Variants in DYNC2LI1 observed in about 807,000 individuals in gnomAD.
DYNC2LI1 encodes the protein dynein cytoplasmic 2 light intermediate chain 1.
DYNC2LI1 carries 45 observed loss-of-function variants against 51.9 expected under a neutral mutation model. The ratio of observed to expected loss-of-function variants is 0.87; its 90% CI spans 0.68 to 1.11. The LOEUF is 1.11. Ranked by LOEUF, DYNC2LI1 falls within the 50% of genes most tolerant of loss-of-function variation. The pLI, the probability that DYNC2LI1 is intolerant of heterozygous loss-of-function variation, is 0.00. For missense variants in DYNC2LI1, 490 were observed against 417.4 expected, an observed-to-expected ratio of 1.17 and a Z score of -1.51; for synonymous variants, 130 against 137.8, an observed-to-expected ratio of 0.94 and a Z score of 0.40.
Position 43,807,903 on chromosome 2 carries a change from T to G in DYNC2LI1, c.994-1802T>G, listed in dbSNP as rs551167627. ...CCGTATCATTGTCATGTTGAAGATCTAGTGGACTTGGTGGTTTTTGTCTCA... is the reference window on the plus strand; with the variant it reads ...CCGTATCATTGTCATGTTGAAGATCGAGTGGACTTGGTGGTTTTTGTCTCA... On this transcript the variant is annotated intron_variant, in intron 12 of 12. Coordinates refer to ENST00000260605, the MANE Select transcript of DYNC2LI1 (RefSeq NM_016008.4). 3.3e-5 allele frequency among the ~76,000 whole-genome samples: 5 copies of G among 152,304 alleles called. No homozygotes were observed. In the South Asian group the frequency reaches 8.3e-4, roughly 25 times the overall value.
Position 43,808,964 on chromosome 2 carries a change from T to TACACAC in DYNC2LI1, c.994-710_994-705dup, listed in dbSNP as rs56090427. Among the ~76,000 whole-genome samples, 291 of 145,572 alleles carry TACACAC rather than the reference T, an allele frequency of 2.0e-3. 2 individuals carry two copies. The highest frequency in any genetic ancestry group is 5.7e-3 in the African/African-American group (225 of 39,748). ...AAAGTAAAATCACTGGGACAAAGGA[T>TACACAC]ACACACACACACACACACACACACA... On this transcript the variant is annotated intron_variant, in intron 12 of 12. Transcript: ENST00000260605.
intron 8 of DYNC2LI1, among the ~76,000 whole-genome samples, chr2:43,799,558 A>G (rs558409723): frequency 1.3e-5 from 2 of 152,348 alleles, no homozygotes; most frequent in Non-Finnish European, 2.9e-5. Flanking sequence ...ATATGAAAGC[A>G]CATTCTAATA....
chr2:43,808,573 C>T (rs1378229375), intron 12 of DYNC2LI1, among the ~76,000 whole-genome samples: 2 of 152,186 alleles, frequency 1.3e-5, no homozygotes, highest in African/African-American at 2.4e-5. Context: ...GTCCCTTTTA[C>T]ATGTCAGTTG....
intron 2 of DYNC2LI1, among the ~76,000 whole-genome samples, chr2:43,778,737 G>A (rs1673137835): frequency 6.6e-6 from 1 of 152,008 alleles, no homozygotes; most frequent in Admixed American, 6.6e-5. Flanking sequence ...TATCCTCTTA[G>A]CGCTCTCTGT....
At chr2:43,787,643 A>G (rs1238083239) in intron 4 of DYNC2LI1, among the ~76,000 whole-genome samples, 1 of 152,194 alleles carries the variant, frequency 6.6e-6, no homozygotes, top group Non-Finnish European at 1.5e-5. Flanking sequence ...TGAAGTTGAT[A>G]GTACTAGTTG....
chr2:43,802,003 A>G (rs1158812104), intron 10 of DYNC2LI1, among the ~76,000 whole-genome samples: 2 of 152,106 alleles, frequency 1.3e-5, no homozygotes, highest in Non-Finnish European at 2.9e-5. Context: ...AGGTACTTTT[A>G]AATTTTAGCT....
the DYNC2LI1 span, among the ~76,000 whole-genome samples, chr2:43,827,516 C>A: frequency 6.6e-6 from 1 of 152,106 alleles, no homozygotes; most frequent in Non-Finnish European, 1.5e-5. Context: ...AATGACCAAA[C>A]CTGGCAGAGG....
At chr2:43,799,395 A>T (rs1045430259) in intron 8 of DYNC2LI1, among the ~76,000 whole-genome samples, 2 of 152,184 alleles carry the variant, frequency 1.3e-5, no homozygotes, top group Admixed American at 6.5e-5. Flanking sequence ...GATGGCAGGG[A>T]CTTAAAATTA....
intron 9 of DYNC2LI1, 176 bp from the exon 10 acceptor site, chr2:43,801,463 C>T (rs185702665): frequency 1.7e-4 from 79 of 462,726 alleles, no homozygotes; most frequent in Admixed American, 4.2e-4. Flanking sequence ...TTTATTTATG[C>T]TATATGTTAA....
At chr2:43,825,488 A>T in the DYNC2LI1 span, among the ~76,000 whole-genome samples, 3 of 152,230 alleles carry the variant, frequency 2.0e-5, no homozygotes, top group Non-Finnish European at 4.4e-5. Flanking sequence ...GAAGGAAATC[A>T]GTATGATTTC....
In DYNC2LI1 at chr2:43,801,120, ATAT is replaced by A. The variant is rs768999898; in HGVS notation, c.731+211_731+213del. Among the ~76,000 whole-genome samples, 169 of 148,324 alleles carry A rather than the reference ATAT, an allele frequency of 1.1e-3. 1 individual carries two copies. Among genetic ancestry groups the A allele is most frequent in the African/African-American group, 3.5e-3 (144 of 40,864 alleles). On this transcript the variant is annotated intron_variant, in intron 9 of 12. Coordinates refer to ENST00000260605, the MANE Select transcript of DYNC2LI1 (RefSeq NM_016008.4). ...ATTTTATTATTATTTTTAATTATTA[ATAT>A]TATTATTTATTTTGTCAAGACTCAA...
intron 4 of DYNC2LI1, among the ~76,000 whole-genome samples, chr2:43,787,940 A>G (rs1572703000): frequency 6.6e-6 from 1 of 152,324 alleles, no homozygotes; most frequent in African/African-American, 2.4e-5. Context: ...CTCATTAGAC[A>G]GTGTATAAAG....
At chr2:43,779,306 A>C (rs1350997817) in intron 2 of DYNC2LI1, among the ~76,000 whole-genome samples, 1 of 152,090 alleles carries the variant, frequency 6.6e-6, no homozygotes, top group Non-Finnish European at 1.5e-5. Flanking sequence ...CTTCATGGAG[A>C]ACATTATTTT....
chr2:43,780,187 T>C (rs1673210851), intron 2 of DYNC2LI1, among the ~76,000 whole-genome samples: 1 of 152,188 alleles, frequency 6.6e-6, no homozygotes, highest in Non-Finnish European at 1.5e-5. Flanking sequence ...AGAGAATGTG[T>C]TGTTTGTACA....
the DYNC2LI1 span, chr2:43,819,922 A>C: frequency 2.5e-6 from 4 of 1,614,184 alleles, no homozygotes; most frequent in Non-Finnish European, 3.4e-6. Flanking sequence ...TACCTGAGGA[A>C]TCCAGATCCA....
the DYNC2LI1 span, chr2:43,824,163 T>C: frequency 4.2e-5 from 67 of 1,613,996 alleles, no homozygotes; most frequent in Non-Finnish European, 5.5e-5. Flanking sequence ...AGAATTGTTA[T>C]TGGGGGATGG....
At chr2:43,822,479 C>A in the DYNC2LI1 span, 13,371 of 668,654 alleles carry the variant, frequency 0.02, 1,133 homozygotes, top group Non-Finnish European at 0.022. Flanking sequence ...CTCCCCCAGG[C>A]CCCCCCCCAT....
rs1023113744 is a variant in DYNC2LI1 at position 43,787,791 on chromosome 2, T to C, written c.231+541T>C. 2.0e-4 allele frequency among the ~76,000 whole-genome samples: 31 copies of C among 152,110 alleles called. 1 individual carries two copies. Among genetic ancestry groups the C allele is most frequent in the African/African-American group, 7.5e-4 (31 of 41,430 alleles). ...GGGGGTGGGGTGGGGAATTCCTAAA[T>C]AGAATCTTTTTGGAGTTGTCACCTG... On this transcript the variant is annotated intron_variant, in intron 4 of 12. Transcript: ENST00000260605.
intron 11 of DYNC2LI1, 79 bp from the exon 12 acceptor site, chr2:43,805,075 A>T: frequency 1.2e-6 from 1 of 864,440 alleles, no homozygotes; most frequent in Non-Finnish European, 1.8e-6. Context: ...GAGGAATGGG[A>T]GCTTGGTTTA....
Sources: allele counts gnomAD v4.1 joint callset (sites outside exome capture counted in the v4.1 genomes callset), GRCh38; gene constraint gnomAD v4.1.1; transcripts MANE v1.5; gene names NCBI Gene and HGNC (gene_info 2026-07-23, HGNC 2026-07-21).